The following TAF2 variants were observed in gnomAD, a reference collection of about 807,000 sequenced individuals.
TAF2 encodes transcription initiation factor TFIID subunit 2.
Under a neutral mutation model 138.5 loss-of-function variants are expected in TAF2, and 61 were observed. The observed-to-expected ratio is 0.44, with a 90% CI of 0.36 to 0.54. The LOEUF (loss-of-function observed/expected upper bound fraction) is 0.54. Ranked by LOEUF, TAF2 falls within the 20% of genes least tolerant of loss-of-function variation. The pLI, the probability that TAF2 is intolerant of heterozygous loss-of-function variation, is 0.00. For missense variants in TAF2, 1,090 were observed against 1,427.9 expected, an observed-to-expected ratio of 0.76 and a Z score of 3.81; for synonymous variants, 475 against 469.9, an observed-to-expected ratio of 1.01 and a Z score of -0.14.
intron 6 of TAF2, among the ~76,000 whole-genome samples, chr8:119,800,669 G>A (rs188974910): frequency 5.3e-5 from 8 of 152,244 alleles, no homozygotes; most frequent in East Asian, 1.9e-4. Context: ...TTAAGACAAC[G>A]TAAGCAAAAC....
chr8:119,768,850 T>C (rs1306079993), intron 18 of TAF2, among the ~76,000 whole-genome samples: 1 of 152,184 alleles, frequency 6.6e-6, no homozygotes, highest in Non-Finnish European at 1.5e-5. Flanking sequence ...AGTTCCAGCG[T>C]GAAACCACTC....
chr8:119,762,372 GT>G (rs759536777), intron 19 of TAF2, 42 bp downstream of exon 19: 2 of 1,576,698 alleles, frequency 1.3e-6, no homozygotes, highest in Non-Finnish European at 1.7e-6. Context: ...TTCTTTTACA[GT>G]TATAAGAACA....
intron 2 of TAF2, among the ~76,000 whole-genome samples, chr8:119,824,166 C>T (rs1040020799): frequency 2.6e-5 from 4 of 152,132 alleles, no homozygotes; most frequent in African/African-American, 9.7e-5. Flanking sequence ...CATGGCGGCT[C>T]ACACCTGTAA....
At chr8:119,757,262 A>G (rs1820763552) in intron 21 of TAF2, among the ~76,000 whole-genome samples, 1 of 152,180 alleles carries the variant, frequency 6.6e-6, no homozygotes, top group Non-Finnish European at 1.5e-5. Context: ...CGGAAGGATT[A>G]TAAGAATAAA....
intron 17 of TAF2, among the ~76,000 whole-genome samples, chr8:119,779,353 T>C (rs905675067): frequency 6.6e-6 from 1 of 152,004 alleles, no homozygotes; most frequent in East Asian, 1.9e-4. Context: ...TATTCTGTTT[T>C]ATTTAAAAAA....
At position 119,744,248 on chromosome 8, in the gene TAF2, T is replaced by A. The variant is rs190367498; in HGVS notation, c.3214+40A>T. 39 of 1,530,562 alleles carry A rather than the reference T, an allele frequency of 2.5e-5. No individual in the cohort carries two copies. The East Asian group carries it at 8.6e-4, about 34-fold the overall frequency. 94.8% of individuals were successfully genotyped at this position (1,530,562 alleles called of 1,614,324 possible). The stretch of plus-strand genomic sequence containing the variant: ...ACATTAGAATACTGACATCAACCAA[T>A]GTCTCCATCTCCTCAATGATTGCAG... On this transcript the variant is annotated intron_variant, in intron 24 of 25. Transcript: ENST00000378164.
At chr8:119,808,410 T>C (rs1359978060) in intron 3 of TAF2, among the ~76,000 whole-genome samples, 1 of 152,212 alleles carries the variant, frequency 6.6e-6, no homozygotes, top group African/African-American at 2.4e-5. Context: ...CTACCACAAC[T>C]GCAGTTACTT....
Position 119,797,074 on chromosome 8 carries a change from A to G in TAF2, c.1007T>C (p.Ile336Thr). The G allele has an allele frequency of 6.2e-7, 1 of 1,613,340 alleles. No individual in the cohort carries two copies. The highest frequency in any genetic ancestry group is 8.5e-7 in the Non-Finnish European group (1 of 1,179,502). Reference sequence around the variant, plus strand: ...CCTTCTAGTCAAAGGTGTCTCATCTATAATCATGGCACTGTGTAAAAGATT... The same window carrying G: ...CCTTCTAGTCAAAGGTGTCTCATCTGTAATCATGGCACTGTGTAAAAGATT... ...STNLLHSAMI[I>T]DETPLTRRCL... Residue 336 changes from isoleucine to threonine, a missense_variant, in exon 8 of 26, where the codon ATA becomes ACA. Transcript: ENST00000378164.
intron 25 of TAF2, among the ~76,000 whole-genome samples, chr8:119,732,913 T>C (rs1304886399): frequency 6.6e-6 from 1 of 152,140 alleles, no homozygotes; most frequent in Admixed American, 6.5e-5. Context: ...AAGATGACAG[T>C]ACAGTTGACC....
chr8:119,821,914 T>A (rs943976920), intron 2 of TAF2, among the ~76,000 whole-genome samples: 3 of 151,984 alleles, frequency 2.0e-5, no homozygotes, highest in Non-Finnish European at 4.4e-5. Context: ...TGGCTGTAGT[T>A]CCAGTTACTG....
intron 25 of TAF2, among the ~76,000 whole-genome samples, chr8:119,739,104 T>G (rs1250716872): frequency 6.6e-6 from 1 of 151,632 alleles, no homozygotes; most frequent in Non-Finnish European, 1.5e-5. Flanking sequence ...CAGCCCTAGC[T>G]AGGCAGCTGC....
intron 1 of TAF2, among the ~76,000 whole-genome samples, chr8:119,832,183 A>C (rs1045563022): frequency 5.9e-5 from 9 of 152,204 alleles, no homozygotes; most frequent in Admixed American, 2.0e-4. Flanking sequence ...AAAAAAAAAA[A>C]ACACTCTACC....
rs940262145 is a variant in TAF2 at position 119,822,229 on chromosome 8, C to CT, written c.139-2724dup. Among the ~76,000 whole-genome samples the CT allele has an allele frequency of 4.8e-5, 7 of 146,998 alleles. No homozygotes were observed. The South Asian group carries it at 6.6e-4, about 14-fold the overall frequency. ...GCTCATACTCTTGCCTTTTTTTTTT[C>CT]TTTTTTTTCAGAGACAGGGTATTGC... is the stretch of plus-strand genomic sequence containing the variant. On this transcript the variant is annotated intron_variant, in intron 2 of 25. Coordinates refer to ENST00000378164, the MANE Select transcript of TAF2 (RefSeq NM_003184.4).
rs372676650 is a variant in TAF2, at chr8:119,795,671, A to C, written c.1092-40T>G. On this transcript the variant is annotated intron_variant, in intron 8 of 25. Transcript: ENST00000378164. The stretch of plus-strand genomic sequence containing the variant: ...AAAGCATAAATTACTTTTAATCATA[A>C]AAACTCCTCAGATAATGTCAAAGAG... The C allele has an allele frequency of 7.2e-5, 110 of 1,534,720 alleles. No homozygotes were observed. The African/African-American group carries it at 1.4e-3, about 19-fold the overall frequency.
chr8:119,772,604 A>G (rs930632312), intron 18 of TAF2, among the ~76,000 whole-genome samples: 1 of 152,150 alleles, frequency 6.6e-6, no homozygotes, highest in African/African-American at 2.4e-5. Flanking sequence ...TGAATCTAAA[A>G]TAAATTTTTA....
At chr8:119,743,443 C>A (rs1819740765) in intron 24 of TAF2, among the ~76,000 whole-genome samples, 1 of 151,698 alleles carries the variant, frequency 6.6e-6, no homozygotes, top group Non-Finnish European at 1.5e-5. Flanking sequence ...AGGGAAAAAG[C>A]ATATACGAAA....
At chr8:119,792,442 C>T (rs552353898) in intron 10 of TAF2, among the ~76,000 whole-genome samples, 134 of 152,160 alleles carry the variant, frequency 8.8e-4, no homozygotes, top group African/African-American at 3.2e-3. Flanking sequence ...TGAGCCCCCG[C>T]GCTGGGCCAG....
chr8:119,774,616 G>A (rs1409724697), intron 18 of TAF2, among the ~76,000 whole-genome samples: 2 of 151,992 alleles, frequency 1.3e-5, no homozygotes, highest in East Asian at 3.9e-4. Context: ...GATTTACACG[G>A]AGAAAATTTA....
At chr8:119,740,491 T>TAA (rs34577375) in intron 25 of TAF2, among the ~76,000 whole-genome samples, 3,965 of 86,846 alleles carry the variant, frequency 0.046, 257 homozygotes, top group African/African-American at 0.13. Context: ...CTGTCTCTAC[T>TAA]AAAAAAAAAA....
Sources: gnomAD v4.1 joint callset for allele counts (sites outside exome capture counted in the v4.1 genomes callset) on GRCh38, gnomAD v4.1.1 for gene constraint, MANE v1.5 for transcripts, NCBI Gene and HGNC (gene_info 2026-07-23, HGNC 2026-07-21) for gene names.